FGD1: variants seen among roughly 807,000 people sequenced by gnomAD.
FGD1 encodes FYVE, RhoGEF and PH domain-containing protein 1.
FGD1 carries 12 observed loss-of-function variants against 65.0 expected under a neutral mutation model. That is an observed-to-expected ratio of 0.18 (90% CI 0.12 to 0.30). FGD1 has a LOEUF of 0.30. FGD1 is among the 10% of genes least tolerant of loss of function. FGD1 has a pLI of 1.00. For missense variants in FGD1, 542 were observed against 837.6 expected (o/e 0.65, Z 4.36); for synonymous variants, 333 against 343.9 (o/e 0.97, Z 0.35).
intron 1 of FGD1, among the ~76,000 whole-genome samples, chrX:54,485,164 G>T (rs889125731): frequency 9.0e-6 from 1 of 111,674 alleles, no homozygotes; most frequent in African/African-American, 3.3e-5. Context: ...GGCCCTAGTG[G>T]ACTAGGAACC....
At position 54,456,550 on chromosome X, in the gene FGD1, C is replaced by A. The variant is rs1209723632; in HGVS notation, c.1654G>T (p.Ala552Ser). Residue 552 changes from alanine to serine, a missense_variant, in exon 9 of 18, where the codon GCC becomes TCC. By Grantham distance (99) the Ala-to-Ser change is moderately conservative. Around this residue, in one of 6 missense-constraint regions of FGD1, gnomAD observed 41 missense variants for 109.5 expected, o/e 0.37. Coordinates refer to ENST00000375135, the MANE Select transcript of FGD1 (RefSeq NM_004463.3). ...GCATTCGAGTGCTCTGCTGCTGTGG[C>A]GATCAGCTCCAGAGACTCTACAGGC... Reference protein sequence around the residue: ...KDAQKSLELIATAAEHSNAAI... With the variant: ...KDAQKSLELISTAAEHSNAAI... 2 of 1,210,356 alleles carry A rather than the reference C, an allele frequency of 1.7e-6. No homozygotes were observed. Among genetic ancestry groups the A allele is most frequent in the Non-Finnish European group, 2.2e-6 (2 of 894,733 alleles).
chrX:54,491,602 T>G (rs943486632), intron 1 of FGD1, among the ~76,000 whole-genome samples: 1 of 112,131 alleles, frequency 8.9e-6, no homozygotes, highest in Non-Finnish European at 1.9e-5. Context: ...TGAGCCTTCC[T>G]CACTGTCCCA....
chrX:54,495,054 C>G (rs1923497236), intron 1 of FGD1, 72 bp downstream of exon 1: 2 of 1,097,099 alleles, frequency 1.8e-6, no homozygotes, highest in South Asian at 2.0e-5. Flanking sequence ...TTAGAGGGCT[C>G]GAGAACAAGA....
intron 6 of FGD1, 67 bp from the exon 7 acceptor site, chrX:54,465,919 T>C: frequency 8.8e-7 from 1 of 1,138,470 alleles, no homozygotes; most frequent in African/African-American, 1.8e-5. Context: ...CCCCCACAAG[T>C]TTCCAGCCCC....
chrX:54,463,950 G>A (rs1228051055), intron 8 of FGD1, among the ~76,000 whole-genome samples: 2 of 110,806 alleles, frequency 1.8e-5, no homozygotes, highest in Non-Finnish European at 3.8e-5. Context: ...ATATTCTACT[G>A]TGTATTTATT....
chrX:54,482,269 G>C (rs746725823), intron 1 of FGD1, among the ~76,000 whole-genome samples: 33 of 74,510 alleles, frequency 4.4e-4, no homozygotes, highest in South Asian at 2.7e-3. Context: ...CACACACACA[G>C]ACAAACCAAG....
Position 54,447,441 on chromosome X carries a change from A to G in FGD1, c.2450T>C (p.Val817Ala). ...RRSILEKQAS[V>A]AAENSVICSF... is the part of the protein sequence containing the mutation. ...GCAGATGACGCTGTTCTCTGCAGCC[A>G]CTGAGGCCTGTTTCTGTGGCCAGAG... Residue 817 changes from valine (V) to alanine (A), a missense_variant, in exon 17 of 18, where the codon GTG (valine) becomes GCG (alanine). Transcript: ENST00000375135. 8.3e-7 allele frequency: 1 copy of G among 1,210,606 alleles called. No homozygotes were observed. The highest frequency in any genetic ancestry group is 1.1e-6 in the Non-Finnish European group (1 of 894,782).
chrX:54,463,597 T>G (rs1402734123), intron 8 of FGD1, among the ~76,000 whole-genome samples: 2 of 111,746 alleles, frequency 1.8e-5, no homozygotes, highest in Non-Finnish European at 3.8e-5. Context: ...ATCCATCTCC[T>G]TATCTTGGCC....
At chrX:54,452,622 T>C (rs1402933572) in intron 12 of FGD1, among the ~76,000 whole-genome samples, 1 of 110,927 alleles carries the variant, frequency 9.0e-6, no homozygotes, top group Non-Finnish European at 1.9e-5. Context: ...GGCATGCACA[T>C]GTAGTCCCAG....
intron 8 of FGD1, among the ~76,000 whole-genome samples, chrX:54,464,855 G>A (rs1037938279): frequency 1.8e-5 from 2 of 109,942 alleles, no homozygotes; most frequent in African/African-American, 6.6e-5. Flanking sequence ...GTAGTGGCTG[G>A]CGGACATGGA....
intron 6 of FGD1, among the ~76,000 whole-genome samples, chrX:54,466,776 G>A (rs1309304039): frequency 9.4e-6 from 1 of 106,032 alleles, no homozygotes; most frequent in Non-Finnish European, 1.9e-5. Context: ...TTTTGAGAGA[G>A]TCTTGCTCTG....
intron 1 of FGD1, among the ~76,000 whole-genome samples, chrX:54,486,534 C>T (rs910051371): frequency 8.9e-6 from 1 of 111,815 alleles, no homozygotes; most frequent in Non-Finnish European, 1.9e-5. Flanking sequence ...GCATGAGCCA[C>T]TGCGCCTGGC....
At position 54,475,415 on chromosome X, in the gene FGD1, C is replaced by T. The variant is rs191923896; in HGVS notation, c.308-3928G>A. Among the ~76,000 whole-genome samples, 5 of 111,864 alleles carry T rather than the reference C, an allele frequency of 4.5e-5. No homozygotes were observed. The East Asian group carries it at 1.1e-3, about 25-fold the overall frequency. ...AGGGGAACCAGGAGGGGCGGGTGGA[C>T]CCAACGGCTTCCGAAAGTCACAAAC... On this transcript the variant is annotated intron_variant, in intron 1 of 17. Coordinates refer to ENST00000375135, the MANE Select transcript of FGD1 (RefSeq NM_004463.3).
At chrX:54,447,214 C>A (rs898032601) in intron 17 of FGD1, 97 bp downstream of exon 17, 39 of 984,288 alleles carry the variant, frequency 4.0e-5, no homozygotes, top group Non-Finnish European at 5.3e-5. Flanking sequence ...ACCTTATCTT[C>A]CAAGGCTCAC....
At chrX:54,449,952 A>G (rs762287335) in intron 13 of FGD1, among the ~76,000 whole-genome samples, 192 bp from the exon 14 acceptor site, 1 of 111,086 alleles carries the variant, frequency 9.0e-6, no homozygotes, top group Admixed American at 9.6e-5. Flanking sequence ...CAAGTGTAAA[A>G]TGGGGGAGGG....
chrX:54,466,951 G>T (rs1316666113), intron 6 of FGD1, among the ~76,000 whole-genome samples: 1 of 110,028 alleles, frequency 9.1e-6, no homozygotes, highest in Non-Finnish European at 1.9e-5. Context: ...GGATTTTACC[G>T]TGTTAGCCAG....
chrX:54,488,041 A>C (rs1235181422), intron 1 of FGD1, among the ~76,000 whole-genome samples: 1 of 102,013 alleles, frequency 9.8e-6, no homozygotes, highest in Non-Finnish European at 2.0e-5. Flanking sequence ...CGAGGCGGGC[A>C]GATCACGAGG....
intron 1 of FGD1, among the ~76,000 whole-genome samples, chrX:54,476,152 A>G (rs1290160201): frequency 9.0e-6 from 1 of 111,596 alleles, no homozygotes; most frequent in Admixed American, 9.5e-5. Flanking sequence ...GACCATGCTG[A>G]ACTCTATGGC....
At chrX:54,468,001 T>C in intron 5 of FGD1, 69 bp from the exon 6 acceptor site, 1 of 1,009,308 alleles carries the variant, frequency 9.9e-7, no homozygotes, top group Non-Finnish European at 1.4e-6. Flanking sequence ...GTGAGGGCAG[T>C]ATTTGTGGGG....
Sources: gnomAD v4.1 joint callset for allele counts (sites outside exome capture counted in the v4.1 genomes callset) on GRCh38, gnomAD v4.1.1 for gene constraint, gnomAD v4.1.1 regional missense constraint, MANE v1.5 for transcripts, NCBI Gene and HGNC (gene_info 2026-07-23, HGNC 2026-07-21) for gene names.